The following PPP3CC variants were observed in gnomAD, a reference collection of about 807,000 sequenced individuals.
PPP3CC encodes protein phosphatase 3 catalytic subunit gamma.
Under a neutral mutation model 60.3 loss-of-function variants are expected in PPP3CC, and 35 were observed. The ratio of observed to expected loss-of-function variants is 0.58; its 90% CI spans 0.44 to 0.77. The LOEUF (loss-of-function observed/expected upper bound fraction) is 0.77. PPP3CC is among the 30% of genes least tolerant of loss of function. The pLI, the probability that PPP3CC is intolerant of heterozygous loss-of-function variation, is 0.00. For synonymous variants in PPP3CC, 206 were observed against 224.3 expected, an observed-to-expected ratio of 0.92 and a Z score of 0.73; for missense variants, 570 against 628.9, an observed-to-expected ratio of 0.91 and a Z score of 1.00.
At chr8:22,464,736 G>C (rs1270652832) in intron 1 of PPP3CC, among the ~76,000 whole-genome samples, 1 of 152,110 alleles carries the variant, frequency 6.6e-6, no homozygotes, top group African/African-American at 2.4e-5. Flanking sequence ...TCAGTGTTTA[G>C]CACATAGACG....
intron 1 of PPP3CC, among the ~76,000 whole-genome samples, chr8:22,443,391 G>C (rs1483537081): frequency 6.6e-6 from 1 of 151,680 alleles, no homozygotes; most frequent in Admixed American, 6.6e-5. Context: ...GCATGGTGGC[G>C]GGCACTGTAA....
In PPP3CC at chr8:22,465,784, A is replaced by G. The variant is rs557442017; in HGVS notation, c.50-9170A>G. Among the ~76,000 whole-genome samples the G allele has an allele frequency of 1.1e-3, 165 of 152,316 alleles. 1 individual carries two copies. Among genetic ancestry groups the G allele is most frequent in the African/African-American group, 3.8e-3 (158 of 41,572 alleles). ...AAACAGACCAAGACAGTGAGATTACAGAAGAGTATGTAGAGTGAGAAATAT... is the reference window on the plus strand; with the variant it reads ...AAACAGACCAAGACAGTGAGATTACGGAAGAGTATGTAGAGTGAGAAATAT... On this transcript the variant is annotated intron_variant, in intron 1 of 13. Coordinates refer to ENST00000240139, the MANE Select transcript of PPP3CC (RefSeq NM_005605.5).
intron 6 of PPP3CC, among the ~76,000 whole-genome samples, 190 bp downstream of exon 6, chr8:22,513,622 G>A (rs1414855592): frequency 2.0e-5 from 3 of 152,122 alleles, no homozygotes; most frequent in Non-Finnish European, 4.4e-5. Context: ...ATCCTAAGAA[G>A]TGTAATACAC....
At chr8:22,457,816 G>C (rs530843299) in intron 1 of PPP3CC, among the ~76,000 whole-genome samples, 1 of 152,352 alleles carries the variant, frequency 6.6e-6, no homozygotes, top group African/African-American at 2.4e-5. Flanking sequence ...TTTCGGCCGG[G>C]CGCAGTGGCT....
At chr8:22,472,275 A>G (rs1837745717) in intron 1 of PPP3CC, among the ~76,000 whole-genome samples, 1 of 142,814 alleles carries the variant, frequency 7.0e-6, no homozygotes, top group African/African-American at 3.0e-5. Context: ...TAGCTATAGA[A>G]AATAATTTTT....
At chr8:22,494,558 A>G (rs1365326516) in intron 3 of PPP3CC, among the ~76,000 whole-genome samples, 9 of 152,208 alleles carry the variant, frequency 5.9e-5, no homozygotes, top group Non-Finnish European at 1.3e-4. Context: ...ACAATTGATT[A>G]TCATCATTCA....
At chr8:22,523,079 T>C (rs1261153613) in intron 8 of PPP3CC, among the ~76,000 whole-genome samples, 1 of 152,224 alleles carries the variant, frequency 6.6e-6, no homozygotes, top group African/African-American at 2.4e-5. Flanking sequence ...GTGAATTTAA[T>C]GTGTTTATAA....
At chr8:22,480,861 C>A (rs1280298952) in intron 3 of PPP3CC, among the ~76,000 whole-genome samples, 7 of 152,108 alleles carry the variant, frequency 4.6e-5, no homozygotes, top group African/African-American at 1.7e-4. Flanking sequence ...TTTGGGAGGC[C>A]TAGATGGGAG....
chr8:22,532,842 C>A, intron 11 of PPP3CC, 79 bp from the exon 12 acceptor site: 2 of 992,900 alleles, frequency 2.0e-6, no homozygotes, highest in East Asian at 3.0e-5. Context: ...TGCTGTCTTT[C>A]TTCACTTCCT....
At chr8:22,538,616 G>C (rs1040696543) in intron 12 of PPP3CC, among the ~76,000 whole-genome samples, 12 of 152,150 alleles carry the variant, frequency 7.9e-5, no homozygotes, top group African/African-American at 2.9e-4. Context: ...TCTCCTAATA[G>C]GATCTTTCTT....
chr8:22,459,611 G>A (rs1005653314), intron 1 of PPP3CC, among the ~76,000 whole-genome samples: 1 of 152,092 alleles, frequency 6.6e-6, no homozygotes, highest in African/African-American at 2.4e-5. Flanking sequence ...AAACTTTAGT[G>A]ACCTCTCAGA....
intron 3 of PPP3CC, chr8:22,492,977 G>T: frequency 7.9e-7 from 1 of 1,270,472 alleles, no homozygotes. Flanking sequence ...CTGAAGCTCT[G>T]CCCAAACAGT....
At chr8:22,448,382 T>G (rs1397475850) in intron 1 of PPP3CC, among the ~76,000 whole-genome samples, 2 of 96,698 alleles carry the variant, frequency 2.1e-5, no homozygotes, top group South Asian at 3.6e-4. Flanking sequence ...CTTTTTTTTG[T>G]TTTTTTTTTT....
intron 4 of PPP3CC, among the ~76,000 whole-genome samples, chr8:22,506,140 T>C (rs1444881535): frequency 6.6e-6 from 1 of 152,084 alleles, no homozygotes; most frequent in Non-Finnish European, 1.5e-5. Context: ...CTCCTGCTTT[T>C]AAAAAGCAGC....
chr8:22,463,188 C>T (rs1055326295), intron 1 of PPP3CC, among the ~76,000 whole-genome samples: 1 of 152,184 alleles, frequency 6.6e-6, no homozygotes, highest in Non-Finnish European at 1.5e-5. Flanking sequence ...CTGTAGTCAT[C>T]AGTGGCTTCT....
chr8:22,492,944 T>C, intron 3 of PPP3CC: 1 of 1,255,224 alleles, frequency 8.0e-7, no homozygotes, highest in Non-Finnish European at 1.2e-6. Context: ...GTGCACACTG[T>C]CTGACTAGTT....
At chr8:22,511,341 G>T in intron 5 of PPP3CC, 110 bp downstream of exon 5, 1 of 1,195,284 alleles carries the variant, frequency 8.4e-7, no homozygotes, top group East Asian at 2.6e-5. Flanking sequence ...CCGGGCTGAA[G>T]TACAGTGGTG....
intron 9 of PPP3CC, 114 bp from the exon 10 acceptor site, chr8:22,528,392 T>G (rs1483999757): frequency 1.9e-6 from 1 of 523,292 alleles, no homozygotes; most frequent in Non-Finnish European, 3.2e-6. Flanking sequence ...AACATAATGA[T>G]AAATAATTTT....
chr8:22,449,324 C>T (rs1033126017), intron 1 of PPP3CC, among the ~76,000 whole-genome samples: 1 of 151,604 alleles, frequency 6.6e-6, no homozygotes, highest in Non-Finnish European at 1.5e-5. Flanking sequence ...TGGCCTGCAC[C>T]TGTGGACCCA....
Sources: allele counts gnomAD v4.1 joint callset (sites outside exome capture counted in the v4.1 genomes callset), GRCh38; gene constraint gnomAD v4.1.1; transcripts MANE v1.5; gene names NCBI Gene and HGNC (gene_info 2026-07-23, HGNC 2026-07-21).